The following LYPLAL1 variants were observed in gnomAD, a reference collection of about 807,000 sequenced individuals.
LYPLAL1 encodes the protein lysophospholipase like 1.
A neutral mutation model predicts 19.7 loss-of-function variants in LYPLAL1; 23 were observed. The observed-to-expected ratio is 1.17, with a 90% CI of 0.84 to 1.65. The LOEUF is 1.65. Ranked by LOEUF, LYPLAL1 falls within the 40% of genes most tolerant of loss-of-function variation. The pLI is 0.00. For missense variants in LYPLAL1, 355 were observed against 279.4 expected, an observed-to-expected ratio of 1.27 and a Z score of -1.93; for synonymous variants, 119 against 96.3, an observed-to-expected ratio of 1.24 and a Z score of -1.38.
chr1:219,236,820 T>C, the LYPLAL1 span, among the ~76,000 whole-genome samples: 1 of 152,172 alleles, frequency 6.6e-6, no homozygotes, highest in Non-Finnish European at 1.5e-5. Context: ...GGTAAACGTG[T>C]GCCATGGTGG....
At chr1:219,421,896 T>G in the LYPLAL1 span, among the ~76,000 whole-genome samples, 1 of 152,184 alleles carries the variant, frequency 6.6e-6, no homozygotes, top group Non-Finnish European at 1.5e-5. Flanking sequence ...TGGTTACTCT[T>G]TGTTATTATT....
chr1:219,353,578 A>G, the LYPLAL1 span, among the ~76,000 whole-genome samples: 2 of 152,268 alleles, frequency 1.3e-5, no homozygotes, highest in Non-Finnish European at 2.9e-5. Context: ...AAGGAAAGCT[A>G]TGTTAGACAC....
chr1:219,383,726 A>T, the LYPLAL1 span, among the ~76,000 whole-genome samples: 2 of 152,228 alleles, frequency 1.3e-5, no homozygotes, highest in Non-Finnish European at 2.9e-5. Flanking sequence ...AACTGTCTCA[A>T]CTTTCATAGT....
chr1:219,278,793 C>T, the LYPLAL1 span, among the ~76,000 whole-genome samples: 1 of 151,438 alleles, frequency 6.6e-6, no homozygotes, highest in Non-Finnish European at 1.5e-5. Context: ...TTTATGGCCT[C>T]TCCAGTGCTG....
chr1:219,326,962 A>G, the LYPLAL1 span, among the ~76,000 whole-genome samples: 1 of 152,164 alleles, frequency 6.6e-6, no homozygotes, highest in East Asian at 1.9e-4. Context: ...GGCCGGGCGC[A>G]GTGGCTCACG....
At chr1:219,181,298 G>A (rs1656256830) in intron 2 of LYPLAL1, among the ~76,000 whole-genome samples, 1 of 151,990 alleles carries the variant, frequency 6.6e-6, no homozygotes, top group South Asian at 2.1e-4. Context: ...AGTTGCCCTG[G>A]CTACATTTAC....
chr1:219,244,929 A>G, the LYPLAL1 span, among the ~76,000 whole-genome samples: 1 of 139,598 alleles, frequency 7.2e-6, no homozygotes, highest in Non-Finnish European at 1.6e-5. Context: ...AAAAAAAAAC[A>G]AAAAACACTT....
chr1:219,375,935 G>A, the LYPLAL1 span, among the ~76,000 whole-genome samples: 1 of 151,952 alleles, frequency 6.6e-6, no homozygotes, highest in Non-Finnish European at 1.5e-5. Context: ...TAGAGACGGG[G>A]TTTCTCCATG....
chr1:219,246,373 A>G, the LYPLAL1 span, among the ~76,000 whole-genome samples: 19 of 152,186 alleles, frequency 1.2e-4, no homozygotes, highest in South Asian at 3.5e-3. Flanking sequence ...ATGTTATCCA[A>G]TCGGCTTTAT....
the LYPLAL1 span, among the ~76,000 whole-genome samples, chr1:219,344,237 A>G: frequency 6.6e-6 from 1 of 152,206 alleles, no homozygotes; most frequent in Admixed American, 6.5e-5. Flanking sequence ...ACTCAAAGAA[A>G]CCAGTGAACC....
chr1:219,212,014 G>C lies in LYPLAL1; in HGVS notation c.*286G>C, dbSNP rs977853642. On this transcript the variant is annotated 3_prime_UTR_variant, in exon 5 of 5. Transcript: ENST00000366928. ...AAGTATTCTAAACTAATATAAATAA[G>C]GACAATGAAAAAACATGAAAGGACT... is the stretch of plus-strand genomic sequence containing the variant. The C allele has an allele frequency of 4.3e-5, 9 of 211,032 alleles. No homozygotes were observed. The highest frequency in any genetic ancestry group is 6.9e-5 in the African/African-American group (3 of 43,432). 13.1% of individuals were successfully genotyped at this position (211,032 alleles called of 1,614,324 possible).
chr1:219,311,403 T>C, the LYPLAL1 span, among the ~76,000 whole-genome samples: 3 of 152,222 alleles, frequency 2.0e-5, no homozygotes, highest in African/African-American at 7.2e-5. Context: ...AGTATGAACA[T>C]ATTTGCTTGG....
chr1:219,241,134 C>CTCTCTCTATA, the LYPLAL1 span, among the ~76,000 whole-genome samples: 132 of 44,338 alleles, frequency 3.0e-3, 2 homozygotes, highest in Non-Finnish European at 3.2e-3. Flanking sequence ...CTCTCTCTCT[C>CTCTCTCTATA]TATATATATA....
At chr1:219,359,548 C>T in the LYPLAL1 span, among the ~76,000 whole-genome samples, 4 of 152,122 alleles carry the variant, frequency 2.6e-5, no homozygotes, top group Non-Finnish European at 5.9e-5. Flanking sequence ...AAATAACAGC[C>T]CTCACCTCAT....
chr1:219,290,841 A>G, the LYPLAL1 span, among the ~76,000 whole-genome samples: 3 of 152,190 alleles, frequency 2.0e-5, no homozygotes, highest in African/African-American at 7.2e-5. Flanking sequence ...TATTCTGTAC[A>G]TGCACATTAC....
chr1:219,322,707 A>T, the LYPLAL1 span, among the ~76,000 whole-genome samples: 2 of 152,146 alleles, frequency 1.3e-5, no homozygotes, highest in African/African-American at 2.4e-5. Context: ...AAGGGTTAAG[A>T]TTCCTATGTG....
At chr1:219,216,542 G>A (rs897290759), downstream of LYPLAL1, among the ~76,000 whole-genome samples, 3 of 152,108 alleles carry the variant, frequency 2.0e-5, no homozygotes, top group African/African-American at 7.2e-5. Flanking sequence ...TGTCTGGATT[G>A]TGAGGTTTTT....
the LYPLAL1 span, among the ~76,000 whole-genome samples, chr1:219,421,752 G>T: frequency 6.6e-6 from 1 of 152,062 alleles, no homozygotes; most frequent in African/African-American, 2.4e-5. Flanking sequence ...AGGAGGGTGA[G>T]GGGAGCTTCA....
the LYPLAL1 span, among the ~76,000 whole-genome samples, chr1:219,241,098 A>ATATC: frequency 1.7e-5 from 1 of 59,230 alleles, no homozygotes; most frequent in Non-Finnish European, 3.1e-5. Context: ...AATATATATA[A>ATATC]TCTCTCTCTC....
Sources: allele counts gnomAD v4.1 joint callset (sites outside exome capture counted in the v4.1 genomes callset), GRCh38; gene constraint gnomAD v4.1.1; transcripts MANE v1.5; gene names NCBI Gene and HGNC (gene_info 2026-07-23, HGNC 2026-07-21).